Variants in GLMN observed in about 807,000 individuals in gnomAD.
GLMN encodes glomulin, FKBP associated protein.
In GLMN, 75 loss-of-function variants were observed where a neutral mutation model predicts 87.8. The ratio of observed to expected loss-of-function variants is 0.85; its 90% CI spans 0.71 to 1.04. The LOEUF is 1.04. GLMN is among the 50% of genes least tolerant of loss of function. The pLI is 0.00. For synonymous variants in GLMN, 206 were observed against 221.6 expected (o/e 0.93, Z 0.63); for missense variants, 588 against 658.8 (o/e 0.89, Z 1.18).
Position 92,268,138 on chromosome 1 carries a change from GA to G in GLMN, c.978-4del. 1 of 1,364,850 alleles carries G rather than the reference GA, an allele frequency of 7.3e-7. No individual in the cohort carries two copies. The highest frequency in any genetic ancestry group is 1.0e-6 in the Non-Finnish European group (1 of 957,244). 84.5% of individuals were successfully genotyped at this position (1,364,850 alleles called of 1,614,324 possible). On this transcript the variant is annotated splice_polypyrimidine_tract_variant and splice_region_variant and intron_variant, in intron 9 of 18. Transcript: ENST00000370360. ...TGGAGATAACAGACTCTTCTGTTCT[GA>G]AAAATAATATTAAAATTTATCATGA...
intron 7 of GLMN, among the ~76,000 whole-genome samples, chr1:92,282,048 A>C (rs1019492907): frequency 3.3e-5 from 5 of 152,192 alleles, no homozygotes; most frequent in Admixed American, 6.5e-5. Context: ...CCCCACTGTC[A>C]ATATTACACA....
the GLMN span, among the ~76,000 whole-genome samples, chr1:92,335,466 C>T: frequency 6.6e-6 from 1 of 152,056 alleles, no homozygotes; most frequent in African/African-American, 2.4e-5. Context: ...TAAAAATTAC[C>T]TGTAATCCCA....
the GLMN span, among the ~76,000 whole-genome samples, chr1:92,337,504 G>C: frequency 6.6e-6 from 1 of 152,034 alleles, no homozygotes; most frequent in Non-Finnish European, 1.5e-5. Context: ...TGTCTTCAAA[G>C]AATTGTCTTC....
chr1:92,284,976 G>C (rs1173759313), intron 7 of GLMN, among the ~76,000 whole-genome samples: 1 of 152,204 alleles, frequency 6.6e-6, no homozygotes, highest in Non-Finnish European at 1.5e-5. Flanking sequence ...AGATGCTGGA[G>C]AGGATGTGGA....
the GLMN span, among the ~76,000 whole-genome samples, chr1:92,352,116 G>A: frequency 1.3e-5 from 2 of 152,168 alleles, no homozygotes; most frequent in Non-Finnish European, 2.9e-5. Flanking sequence ...AAGCTTTCAA[G>A]ACCATCTCCA....
Position 92,267,949 on chromosome 1 carries a change from C to T in GLMN, c.1062G>A (p.Gln354=). ...TAAGAAAACTCTTGATTTCTAAGTA[C>T]TGGTAAAGTAGACTATTGTCTTCTA... ...LRIEDNSLLY[Q]YLEIKSFLTV... The change falls in exon 11 of 19, where the codon CAG becomes CAA. Residue 354 remains glutamine (Q), a synonymous_variant. Transcript: ENST00000370360. The T allele has an allele frequency of 6.5e-7, 1 of 1,549,756 alleles. No individual in the cohort carries two copies. Among genetic ancestry groups the T allele is most frequent in the East Asian group, 2.2e-5 (1 of 44,460 alleles).
At chr1:92,367,529 G>A in the GLMN span, among the ~76,000 whole-genome samples, 3 of 152,198 alleles carry the variant, frequency 2.0e-5, no homozygotes, top group Non-Finnish European at 4.4e-5. Context: ...GAGAGAATGA[G>A]TGTTTAAAAA....
chr1:92,274,893 C>A (rs534510110), intron 7 of GLMN, among the ~76,000 whole-genome samples: 1 of 152,228 alleles, frequency 6.6e-6, no homozygotes, highest in South Asian at 2.1e-4. Context: ...CCCTCCTAAC[C>A]CCCCTTCTTT....
intron 16 of GLMN, among the ~76,000 whole-genome samples, chr1:92,251,404 GA>G (rs148785850): frequency 4.7e-5 from 7 of 150,408 alleles, no homozygotes; most frequent in African/African-American, 1.2e-4. Context: ...CAAAATAAAA[GA>G]AAAAAAAATC....
Position 92,267,925 on chromosome 1 carries a change from A to G in GLMN, c.1086T>C (p.Leu362=). ...LYQYLEIKSF[L]TVPQGLVKVM... Reference sequence around the variant, plus strand: ...ATATTTTATTTACCTGAGGTACAGTAAGAAAACTCTTGATTTCTAAGTACT... The same window carrying G: ...ATATTTTATTTACCTGAGGTACAGTGAGAAAACTCTTGATTTCTAAGTACT... The change falls in exon 11 of 19, where the codon CTT becomes CTC. Residue 362 remains leucine, a synonymous_variant. Coordinates refer to ENST00000370360, the MANE Select transcript of GLMN (RefSeq NM_053274.3). 1 of 1,442,332 alleles carries G rather than the reference A, an allele frequency of 6.9e-7. No homozygotes were observed. Among genetic ancestry groups the G allele is most frequent in the Non-Finnish European group, 9.8e-7 (1 of 1,023,312 alleles). 89.3% of individuals were successfully genotyped at this position (1,442,332 alleles called of 1,614,324 possible). A position where few individuals can be genotyped will look rare whatever the true frequency, so the allele number is the denominator to read the frequency against.
chr1:92,284,081 A>G (rs192609031), intron 7 of GLMN, among the ~76,000 whole-genome samples: 1 of 152,348 alleles, frequency 6.6e-6, no homozygotes, highest in Non-Finnish European at 1.5e-5. Flanking sequence ...ATCCCCATCA[A>G]GCTACCACTG....
the GLMN span, among the ~76,000 whole-genome samples, chr1:92,345,038 T>A: frequency 6.6e-6 from 1 of 152,188 alleles, no homozygotes; most frequent in Non-Finnish European, 1.5e-5. Context: ...AAAATTTACT[T>A]CTGTTTTTTT....
chr1:92,279,415 C>A (rs1647689293), intron 7 of GLMN, among the ~76,000 whole-genome samples: 1 of 144,002 alleles, frequency 6.9e-6, no homozygotes, highest in Non-Finnish European at 1.5e-5. Flanking sequence ...TGAGATCATG[C>A]CATTGAACGA....
the GLMN span, among the ~76,000 whole-genome samples, chr1:92,307,443 C>T: frequency 6.6e-6 from 1 of 152,170 alleles, no homozygotes; most frequent in Non-Finnish European, 1.5e-5. Context: ...GGATTTTACA[C>T]TTAAAATCAG....
chr1:92,248,962 GATGT>G (rs1407340109), intron 16 of GLMN, among the ~76,000 whole-genome samples: 1 of 152,064 alleles, frequency 6.6e-6, no homozygotes, highest in Non-Finnish European at 1.5e-5. Context: ...GGGAAATAAA[GATGT>G]ATGTTATGAT....
At chr1:92,307,080 G>C in the GLMN span, 1 of 744,740 alleles carries the variant, frequency 1.3e-6, no homozygotes, top group South Asian at 2.1e-5. Flanking sequence ...TAGATCTGTA[G>C]GTTTCCATTT....
In GLMN at chr1:92,256,875, A is replaced by G. The variant is rs530058328; in HGVS notation, c.1473+5988T>C. Reference sequence around the variant, plus strand: ...AGGGATGCCCTCTCTCACCACTCCTATTCAACATAGTATTGGAAGTTCTGC... The same window carrying G: ...AGGGATGCCCTCTCTCACCACTCCTGTTCAACATAGTATTGGAAGTTCTGC... On this transcript the variant is annotated intron_variant, in intron 16 of 18. Coordinates refer to ENST00000370360, the MANE Select transcript of GLMN (RefSeq NM_053274.3). 2.0e-5 allele frequency among the ~76,000 whole-genome samples: 3 copies of G among 152,118 alleles called. No homozygotes were observed. The South Asian group carries it at 6.3e-4, about 32-fold the overall frequency.
chr1:92,296,110 T>C (rs1334985625), intron 3 of GLMN, among the ~76,000 whole-genome samples: 1 of 152,160 alleles, frequency 6.6e-6, no homozygotes, highest in Non-Finnish European at 1.5e-5. Context: ...TAATAATATA[T>C]GATTAAAAAG....
chr1:92,263,900 A>C (rs1221250836), intron 14 of GLMN, among the ~76,000 whole-genome samples, 168 bp from the exon 15 acceptor site: 2 of 152,218 alleles, frequency 1.3e-5, no homozygotes. Flanking sequence ...GAACCCTGCC[A>C]GTTTGAGAAC....
Sources: allele counts gnomAD v4.1 joint callset (sites outside exome capture counted in the v4.1 genomes callset), GRCh38; gene constraint gnomAD v4.1.1; transcripts MANE v1.5; gene names NCBI Gene and HGNC (gene_info 2026-07-23, HGNC 2026-07-21).